MAP7: variants seen among roughly 807,000 people sequenced by gnomAD.
MAP7 encodes ensconsin.
Under a neutral mutation model 94.8 loss-of-function variants are expected in MAP7, and 52 were observed. The observed-to-expected ratio is 0.55, with a 90% CI of 0.44 to 0.69. The LOEUF (loss-of-function observed/expected upper bound fraction) is 0.69, where lower values mean the gene tolerates loss of function less well. Ranked by LOEUF, MAP7 falls within the 30% of genes least tolerant of loss-of-function variation. MAP7 has a pLI of 0.00. For synonymous variants in MAP7, 350 were observed against 357.0 expected (o/e 0.98, Z 0.22); for missense variants, 940 against 964.6 (o/e 0.97, Z 0.34).
intron 1 of MAP7, among the ~76,000 whole-genome samples, chr6:136,521,644 T>C (rs1002185950): frequency 1.3e-5 from 2 of 152,228 alleles, no homozygotes; most frequent in Non-Finnish European, 2.9e-5. Context: ...GTAATAGTCA[T>C]GAAGCCTCTA....
intron 1 of MAP7, among the ~76,000 whole-genome samples, chr6:136,468,199 T>C (rs1247526705): frequency 1.3e-5 from 2 of 152,182 alleles, no homozygotes; most frequent in Non-Finnish European, 2.9e-5. Flanking sequence ...TGACTTTTTT[T>C]TTCTTTTTAT....
At chr6:136,493,101 T>G (rs1420556899) in intron 1 of MAP7, among the ~76,000 whole-genome samples, 2 of 151,598 alleles carry the variant, frequency 1.3e-5, no homozygotes, top group Non-Finnish European at 2.9e-5. Flanking sequence ...AGTTTTTTTT[T>G]TGTGCTCTTT....
chr6:136,489,526 C>CTTTTTTT (rs1164047042), intron 1 of MAP7, among the ~76,000 whole-genome samples: 8 of 102,996 alleles, frequency 7.8e-5, no homozygotes, highest in African/African-American at 1.9e-4. Flanking sequence ...CATCAGGTTT[C>CTTTTTTT]TTTTTTTTTT....
chr6:136,365,294 C>G (rs1793974837), intron 10 of MAP7, among the ~76,000 whole-genome samples: 1 of 152,174 alleles, frequency 6.6e-6, no homozygotes, highest in Admixed American at 6.5e-5. Context: ...TTGCCCCACC[C>G]TCTATCTTCA....
intron 1 of MAP7, among the ~76,000 whole-genome samples, chr6:136,491,460 A>T (rs1361596486): frequency 6.6e-6 from 1 of 152,166 alleles, no homozygotes; most frequent in Non-Finnish European, 1.5e-5. Flanking sequence ...GCCCAAACCC[A>T]GTCTGTTCAA....
At chr6:136,472,674 C>G (rs1809436388) in intron 1 of MAP7, among the ~76,000 whole-genome samples, 1 of 152,026 alleles carries the variant, frequency 6.6e-6, no homozygotes, top group South Asian at 2.1e-4. Flanking sequence ...AAAGTCAAGT[C>G]TAATATACCC....
intron 1 of MAP7, among the ~76,000 whole-genome samples, chr6:136,522,411 C>T (rs535100124): frequency 1.3e-5 from 2 of 152,198 alleles, no homozygotes; most frequent in African/African-American, 4.8e-5. Flanking sequence ...TATGAAGCCA[C>T]CATAGAAGGC....
At chr6:136,470,345 G>A (rs569635214) in intron 1 of MAP7, among the ~76,000 whole-genome samples, 2 of 151,670 alleles carry the variant, frequency 1.3e-5, no homozygotes, top group Non-Finnish European at 2.9e-5. Context: ...AGTATAATTG[G>A]CAAATAAAAA....
chr6:136,421,824 A>T, intron 1 of MAP7, 25 bp from the exon 2 acceptor site: 1 of 1,553,884 alleles, frequency 6.4e-7, no homozygotes, highest in South Asian at 1.2e-5. Flanking sequence ...CAAAAGAGAA[A>T]AGACACATTT....
chr6:136,389,776 T>C (rs1297488770), intron 3 of MAP7, among the ~76,000 whole-genome samples: 1 of 152,188 alleles, frequency 6.6e-6, no homozygotes, highest in African/African-American at 2.4e-5. Flanking sequence ...CAAGCAGCCC[T>C]CTAGTTTGTA....
At chr6:136,437,154 T>G (rs1021153267) in intron 1 of MAP7, among the ~76,000 whole-genome samples, 2 of 152,216 alleles carry the variant, frequency 1.3e-5, no homozygotes, top group African/African-American at 4.8e-5. Context: ...CCCCCTGACC[T>G]TGGCTTTGAA....
chr6:136,473,174 C>A (rs901654959), intron 1 of MAP7, among the ~76,000 whole-genome samples: 9 of 152,178 alleles, frequency 5.9e-5, no homozygotes, highest in Non-Finnish European at 1.3e-4. Context: ...AAGTACATCT[C>A]AATTCTCCCA....
At chr6:136,525,823 A>G in intron 1 of MAP7, 1 of 1,533,594 alleles carries the variant, frequency 6.5e-7, no homozygotes. Context: ...GGGTGGAGCT[A>G]ATGCATACCT....
At chr6:136,460,175 G>A (rs1016233435) in intron 1 of MAP7, among the ~76,000 whole-genome samples, 1 of 152,130 alleles carries the variant, frequency 6.6e-6, no homozygotes, top group African/African-American at 2.4e-5. Context: ...GTCAATGGGG[G>A]ACTATTCCTT....
intron 1 of MAP7, among the ~76,000 whole-genome samples, chr6:136,542,640 A>AT (rs1236465668): frequency 6.6e-6 from 1 of 152,174 alleles, no homozygotes; most frequent in Non-Finnish European, 1.5e-5. Context: ...ACTTCCGTCT[A>AT]TAATCAACTT....
intron 6 of MAP7, among the ~76,000 whole-genome samples, chr6:136,380,654 T>A (rs1165717779): frequency 6.6e-6 from 1 of 152,232 alleles, no homozygotes. Context: ...TAATATATAC[T>A]TTTAATGTAA....
At chr6:136,549,910 G>A (rs983945596) in intron 1 of MAP7, among the ~76,000 whole-genome samples, 4 of 152,218 alleles carry the variant, frequency 2.6e-5, no homozygotes, top group Non-Finnish European at 2.9e-5. Context: ...GCGGGAGGAG[G>A]TGCCCAGAAA....
chr6:136,460,572 G>T (rs897975783), intron 1 of MAP7, among the ~76,000 whole-genome samples: 4 of 152,108 alleles, frequency 2.6e-5, no homozygotes, highest in African/African-American at 9.7e-5. Context: ...AAACAAGCCT[G>T]CCCTGTAGTT....
chr6:136,372,413 C>G, intron 8 of MAP7, 88 bp downstream of exon 8: 2 of 1,493,512 alleles, frequency 1.3e-6, no homozygotes, highest in Non-Finnish European at 1.8e-6. Context: ...CCCTCTTACG[C>G]CCACACCACA....
Sources: allele counts gnomAD v4.1 joint callset (sites outside exome capture counted in the v4.1 genomes callset), GRCh38; gene constraint gnomAD v4.1.1; transcripts MANE v1.5; gene names NCBI Gene and HGNC (gene_info 2026-07-23, HGNC 2026-07-21).